DNAI4: variants seen among roughly 807,000 people sequenced by gnomAD.
DNAI4 encodes the protein WD repeat domain 78.
Under a neutral mutation model 105.8 loss-of-function variants are expected in DNAI4, and 85 were observed. The observed-to-expected ratio is 0.80, with a 90% CI of 0.67 to 0.96. DNAI4 has a LOEUF of 0.96. Ranked by LOEUF, DNAI4 falls within the 40% of genes least tolerant of loss-of-function variation. The pLI is 0.00. For synonymous variants in DNAI4, 352 were observed against 331.5 expected (o/e 1.06, Z -0.67); for missense variants, 1,014 against 1,005.6 (o/e 1.01, Z -0.11).
chr1:66,857,014 G>A (rs918644784), intron 7 of DNAI4, among the ~76,000 whole-genome samples: 22 of 151,842 alleles, frequency 1.4e-4, no homozygotes, highest in African/African-American at 5.3e-4. Flanking sequence ...CATCATTAGA[G>A]AAAATTAATA....
At chr1:66,825,997 T>C (rs1026269355) in intron 15 of DNAI4, among the ~76,000 whole-genome samples, 1 of 152,220 alleles carries the variant, frequency 6.6e-6, no homozygotes, top group Non-Finnish European at 1.5e-5. Flanking sequence ...TAAGTTTTCA[T>C]ATTAGGAAGA....
At chr1:66,823,668 A>C (rs1305078745) in intron 15 of DNAI4, among the ~76,000 whole-genome samples, 4 of 147,508 alleles carry the variant, frequency 2.7e-5, no homozygotes, top group Non-Finnish European at 4.5e-5. Flanking sequence ...AGTGATGATG[A>C]GCATTTTTTC....
Position 66,893,414 on chromosome 1 carries a change from C to G in DNAI4, c.346-1G>C. The G allele has an allele frequency of 6.6e-7, 1 of 1,507,230 alleles. No individual in the cohort carries two copies. Among genetic ancestry groups the G allele is most frequent in the Non-Finnish European group, 8.9e-7 (1 of 1,126,216 alleles). 93.4% of individuals were successfully genotyped at this position (1,507,230 alleles called of 1,614,324 possible). On this transcript the variant is annotated splice_acceptor_variant, in intron 2 of 16. Transcript: ENST00000371026. LOFTEE classifies it high-confidence loss of function. ...CATCAGTTCCATTTATGTCAAATAC[C>G]TGTTAAAAATGGTTATTTAAAATGA...
chr1:66,905,306 T>TC lies in DNAI4; in HGVS notation c.239dup (p.Tyr81IlefsTer20). On this transcript the variant is annotated frameshift_variant, in exon 2 of 17. Coordinates refer to ENST00000371026, the MANE Select transcript of DNAI4 (RefSeq NM_024763.5). LOFTEE classifies it high-confidence loss of function. ...TTCTGCTTTGATTTGCACCAGTATA[T>TC]CCTTTCACTGAAGTTGCTTTCATTG... The TC allele has an allele frequency of 6.5e-7, 1 of 1,546,606 alleles. No individual in the cohort carries two copies. Among genetic ancestry groups the TC allele is most frequent in the African/African-American group, 1.3e-5 (1 of 74,258 alleles).
At chr1:66,844,681 C>T (rs1646232277) in intron 8 of DNAI4, among the ~76,000 whole-genome samples, 1 of 151,880 alleles carries the variant, frequency 6.6e-6, no homozygotes, top group Non-Finnish European at 1.5e-5. Flanking sequence ...AAACTTGGGG[C>T]AGGCAAAGAT....
chr1:66,872,230 T>C (rs1646863085), intron 5 of DNAI4, among the ~76,000 whole-genome samples: 1 of 151,466 alleles, frequency 6.6e-6, no homozygotes, highest in Admixed American at 6.6e-5. Context: ...ATTTATTTAT[T>C]TATTTATTTA....
At chr1:66,825,258 C>T (rs1645727162) in intron 15 of DNAI4, among the ~76,000 whole-genome samples, 1 of 146,014 alleles carries the variant, frequency 6.8e-6, no homozygotes, top group African/African-American at 2.5e-5. Flanking sequence ...CGGCTCACTG[C>T]AAGCTCCGCT....
chr1:66,826,707 T>G, intron 15 of DNAI4, 113 bp downstream of exon 15: 1 of 872,012 alleles, frequency 1.1e-6, no homozygotes, highest in Non-Finnish European at 1.8e-6. Flanking sequence ...TCTCATAAAC[T>G]ATTACTTCTT....
intron 6 of DNAI4, among the ~76,000 whole-genome samples, chr1:66,868,460 A>G (rs1437281064): frequency 2.0e-5 from 3 of 152,180 alleles, no homozygotes; most frequent in African/African-American, 7.2e-5. Context: ...AGTAAAGCAG[A>G]TGGCTCTCTC....
At chr1:66,870,395 T>C (rs1215973467) in intron 6 of DNAI4, among the ~76,000 whole-genome samples, 1 of 150,006 alleles carries the variant, frequency 6.7e-6, no homozygotes, top group Admixed American at 6.6e-5. Context: ...TGAGCCAAGA[T>C]TGCGCCATCG....
chr1:66,863,514 A>G (rs914091772), intron 6 of DNAI4, among the ~76,000 whole-genome samples: 12 of 152,194 alleles, frequency 7.9e-5, no homozygotes, highest in African/African-American at 2.6e-4. Context: ...GCTGGAGTGC[A>G]GTGGTGCAAT....
At chr1:66,923,373 GA>G (rs1650702938) in intron 1 of DNAI4, among the ~76,000 whole-genome samples, 2 of 152,176 alleles carry the variant, frequency 1.3e-5, no homozygotes, top group South Asian at 4.1e-4. Flanking sequence ...GCAAAATGCT[GA>G]AATTGGCTAA....
intron 3 of DNAI4, among the ~76,000 whole-genome samples, 166 bp downstream of exon 3, chr1:66,893,063 G>GAGAGAAAGAA (rs879150798): frequency 4.6e-4 from 41 of 89,548 alleles, no homozygotes; most frequent in African/African-American, 6.4e-4. Flanking sequence ...AAGAGAGAGA[G>GAGAGAAAGAA]AGAAAGAAAG....
At chr1:66,815,134 A>G (rs146874859) in intron 16 of DNAI4, among the ~76,000 whole-genome samples, 27 of 152,336 alleles carry the variant, frequency 1.8e-4, no homozygotes, top group African/African-American at 6.3e-4. Flanking sequence ...CTTCCCCATC[A>G]TTCAAGCCAT....
At chr1:66,893,113 G>GAAAGAAAGAAAGAA (rs1389021990) in intron 3 of DNAI4, 116 bp downstream of exon 3, 42 of 504,346 alleles carry the variant, frequency 8.3e-5, no homozygotes, top group African/African-American at 7.6e-4. Flanking sequence ...AAGAAAGAAA[G>GAAAGAAAGAAAGAA]AAAGAAAGAA....
chr1:66,918,866 A>C (rs1200938580), intron 1 of DNAI4, among the ~76,000 whole-genome samples: 5 of 152,188 alleles, frequency 3.3e-5, no homozygotes, highest in Non-Finnish European at 7.3e-5. Flanking sequence ...GCTAAGGGAG[A>C]ATTCAAGCTG....
chr1:66,865,475 T>G (rs1646714364), intron 6 of DNAI4, among the ~76,000 whole-genome samples: 1 of 152,152 alleles, frequency 6.6e-6, no homozygotes, highest in Non-Finnish European at 1.5e-5. Context: ...AGTGTACCTT[T>G]TCCCTGCCTG....
intron 1 of DNAI4, among the ~76,000 whole-genome samples, chr1:66,905,804 T>C (rs1463804035): frequency 6.6e-6 from 1 of 152,110 alleles, no homozygotes; most frequent in African/African-American, 2.4e-5. Context: ...GGTTAGTAAG[T>C]CCCTGGCACA....
intron 1 of DNAI4, among the ~76,000 whole-genome samples, chr1:66,924,259 C>T (rs886951696): frequency 2.0e-5 from 3 of 152,248 alleles, no homozygotes; most frequent in Admixed American, 6.5e-5. Flanking sequence ...CAACCTCCGC[C>T]TTCCGGGTTC....
Sources: allele counts gnomAD v4.1 joint callset (sites outside exome capture counted in the v4.1 genomes callset), GRCh38; gene constraint gnomAD v4.1.1; transcripts MANE v1.5; gene names NCBI Gene and HGNC (gene_info 2026-07-23, HGNC 2026-07-21).